TBC1D32: variants seen among roughly 807,000 people sequenced by gnomAD.
TBC1D32 encodes TBC1 domain family member 32, also known as protein broad-minded.
In TBC1D32, 151 loss-of-function variants were observed where a neutral mutation model predicts 170.3. The observed-to-expected ratio is 0.89, with a 90% CI of 0.78 to 1.01. The LOEUF is 1.01. TBC1D32 is among the 50% of genes least tolerant of loss of function. TBC1D32 has a pLI of 0.00. For missense variants in TBC1D32, 1,464 were observed against 1,457.1 expected (o/e 1.00, Z -0.08); for synonymous variants, 498 against 488.0 (o/e 1.02, Z -0.27).
At chr6:121,289,638 GAA>G (rs1186806352) in intron 12 of TBC1D32, among the ~76,000 whole-genome samples, 4 of 152,042 alleles carry the variant, frequency 2.6e-5, no homozygotes, top group Admixed American at 2.0e-4. Context: ...CACAGAATTG[GAA>G]AAAACTACTT....
intron 22 of TBC1D32, among the ~76,000 whole-genome samples, chr6:121,176,428 T>A (rs966896887): frequency 6.6e-6 from 1 of 152,044 alleles, no homozygotes; most frequent in Non-Finnish European, 1.5e-5. Flanking sequence ...ACATTGAGCA[T>A]CCCAAACTCC....
rs767605583 is a variant in TBC1D32, at chr6:121,159,997, G to A, written c.2773+13C>T. ...TTTAAAAATAATATGGCATTTGATG[G>A]TAAATATTTTACCTTGTTTTATACC... On this transcript the variant is annotated intron_variant, in intron 24 of 31. Coordinates refer to ENST00000398212, the MANE Select transcript of TBC1D32 (RefSeq NM_152730.6). 12 of 1,519,296 alleles carry A rather than the reference G, an allele frequency of 7.9e-6. No homozygotes were observed. Among genetic ancestry groups the A allele is most frequent in the East Asian group, 2.3e-5 (1 of 44,160 alleles). The allele number at this position is 1,519,296 out of a possible 1,614,324, so 94.1% of individuals were successfully genotyped here. A position where few individuals can be genotyped will look rare whatever the true frequency, so the allele number is the denominator to read the frequency against.
At chr6:121,261,747 T>G (rs765588023) in intron 15 of TBC1D32, among the ~76,000 whole-genome samples, 1 of 152,064 alleles carries the variant, frequency 6.6e-6, no homozygotes, top group African/African-American at 2.4e-5. Flanking sequence ...ACAACACCTC[T>G]CCAGCAAGGG....
chr6:121,105,533 G>T (rs890893762), intron 30 of TBC1D32, among the ~76,000 whole-genome samples: 1 of 151,914 alleles, frequency 6.6e-6, no homozygotes, highest in Non-Finnish European at 1.5e-5. Context: ...ACAGAAAGAA[G>T]GATCTGTGGC....
chr6:121,103,618 A>T (rs1458534330), intron 30 of TBC1D32, among the ~76,000 whole-genome samples: 2 of 150,342 alleles, frequency 1.3e-5, no homozygotes, highest in African/African-American at 4.9e-5. Context: ...TAGCTTTAGG[A>T]GATATACCTA....
chr6:121,182,540 T>C (rs1788666299), intron 22 of TBC1D32, among the ~76,000 whole-genome samples: 1 of 152,044 alleles, frequency 6.6e-6, no homozygotes, highest in African/African-American at 2.4e-5. Context: ...GGCTCATTAA[T>C]TATACCAGCA....
At chr6:121,295,516 C>A (rs1020976259) in intron 10 of TBC1D32, among the ~76,000 whole-genome samples, 15 of 152,058 alleles carry the variant, frequency 9.9e-5, no homozygotes, top group Admixed American at 8.5e-4. Flanking sequence ...AGACCAGCAA[C>A]TGTATCTTAG....
chr6:121,279,697 AG>A (rs1380802400), intron 14 of TBC1D32, among the ~76,000 whole-genome samples: 2 of 151,972 alleles, frequency 1.3e-5, no homozygotes, highest in African/African-American at 4.8e-5. Flanking sequence ...ACATCCAACT[AG>A]GGATAGCCAA....
chr6:121,300,262 A>G (rs771720758), intron 9 of TBC1D32, among the ~76,000 whole-genome samples: 2 of 152,066 alleles, frequency 1.3e-5, no homozygotes, highest in Non-Finnish European at 2.9e-5. Context: ...GAAATGGCCA[A>G]TATGGTGAAA....
At chr6:121,193,658 A>C (rs1462936865) in intron 22 of TBC1D32, among the ~76,000 whole-genome samples, 1 of 152,270 alleles carries the variant, frequency 6.6e-6, no homozygotes, top group Non-Finnish European at 1.5e-5. Context: ...ACAAAGCAGC[A>C]AACAGAACAG....
At chr6:121,212,720 C>A (rs1187858722) in intron 21 of TBC1D32, among the ~76,000 whole-genome samples, 1 of 152,008 alleles carries the variant, frequency 6.6e-6, no homozygotes, top group Non-Finnish European at 1.5e-5. Context: ...CTCGGGCCCC[C>A]AAAATACTGG....
chr6:121,083,638 G>C (rs544641220), intron 31 of TBC1D32, among the ~76,000 whole-genome samples: 2 of 152,054 alleles, frequency 1.3e-5, no homozygotes, highest in East Asian at 1.9e-4. Context: ...ACTGAATCTA[G>C]GACATTGATT....
chr6:121,080,938 A>T, intron 31 of TBC1D32, 48 bp from the exon 32 acceptor site: 1 of 1,587,392 alleles, frequency 6.3e-7, no homozygotes, highest in Non-Finnish European at 8.6e-7. Flanking sequence ...TAAGACACAC[A>T]ATTCCAAGTT....
intron 22 of TBC1D32, among the ~76,000 whole-genome samples, chr6:121,181,609 G>T (rs1389843001): frequency 6.6e-6 from 1 of 151,900 alleles, no homozygotes; most frequent in Non-Finnish European, 1.5e-5. Context: ...ATATGATTCA[G>T]CAATCCCACT....
Position 121,315,210 on chromosome 6 carries a change from T to C in TBC1D32, c.495+2285A>G, listed in dbSNP as rs115269193. Among the ~76,000 whole-genome samples, 1,342 of 152,282 alleles carry C rather than the reference T, an allele frequency of 8.8e-3. 22 individuals are homozygous for C. Among genetic ancestry groups the C allele is most frequent in the African/African-American group, 0.031 (1,268 of 41,548 alleles). ...ACTAGCTATTCAAGTTTGGGTAAAT[T>C]ACTTAACTATTATTAAAAGGCTCAC... On this transcript the variant is annotated intron_variant, in intron 3 of 31. Coordinates refer to ENST00000398212, the MANE Select transcript of TBC1D32 (RefSeq NM_152730.6).
chr6:121,308,308 G>A (rs1032902962), intron 4 of TBC1D32, among the ~76,000 whole-genome samples: 3 of 151,260 alleles, frequency 2.0e-5, no homozygotes, highest in Non-Finnish European at 3.0e-5. Flanking sequence ...TGCTGTTTGT[G>A]TAAAGCAAAA....
chr6:121,290,162 G>A (rs1286923658), intron 12 of TBC1D32, among the ~76,000 whole-genome samples: 6 of 152,004 alleles, frequency 3.9e-5, no homozygotes, highest in Non-Finnish European at 7.4e-5. Flanking sequence ...ATCTAATTAA[G>A]CTAAAGAGCT....
At chr6:121,268,074 A>G (rs1346946053) in intron 15 of TBC1D32, among the ~76,000 whole-genome samples, 1 of 152,184 alleles carries the variant, frequency 6.6e-6, no homozygotes, top group Non-Finnish European at 1.5e-5. Context: ...TAACAAACAG[A>G]AAGAATATCC....
At chr6:121,201,075 C>T (rs913295839) in intron 22 of TBC1D32, among the ~76,000 whole-genome samples, 3 of 151,302 alleles carry the variant, frequency 2.0e-5, no homozygotes, top group African/African-American at 4.9e-5. Flanking sequence ...TCACATTCTT[C>T]GATTAACTAA....
Sources: gnomAD v4.1 joint callset for allele counts (sites outside exome capture counted in the v4.1 genomes callset) on GRCh38, gnomAD v4.1.1 for gene constraint, MANE v1.5 for transcripts, NCBI Gene and HGNC (gene_info 2026-07-23, HGNC 2026-07-21) for gene names.